The following CAMK1D variants were observed in gnomAD, a reference collection of about 807,000 sequenced individuals.
CAMK1D encodes calcium/calmodulin dependent protein kinase ID.
CAMK1D carries 9 observed loss-of-function variants against 47.7 expected under a neutral mutation model. The observed-to-expected ratio is 0.19, with a 90% CI of 0.11 to 0.33. The LOEUF (loss-of-function observed/expected upper bound fraction) is 0.33. CAMK1D is among the 10% of genes least tolerant of loss of function. CAMK1D has a pLI of 1.00. For synonymous variants in CAMK1D, 184 were observed against 184.9 expected, an observed-to-expected ratio of 0.99 and a Z score of 0.04; for missense variants, 291 against 488.7, an observed-to-expected ratio of 0.60 and a Z score of 3.81.
At chr10:12,721,500 G>A (rs1834374074) in intron 3 of CAMK1D, among the ~76,000 whole-genome samples, 1 of 140,202 alleles carries the variant, frequency 7.1e-6, no homozygotes, top group Non-Finnish European at 1.5e-5. Flanking sequence ...TTCTTTCACT[G>A]GCTACCATCC....
At chr10:12,661,557 T>C (rs966196917) in intron 2 of CAMK1D, among the ~76,000 whole-genome samples, 3 of 152,230 alleles carry the variant, frequency 2.0e-5, no homozygotes, top group Admixed American at 6.5e-5. Flanking sequence ...TCTTAACACA[T>C]AGTTAACAAT....
chr10:12,558,944 C>T (rs1450093219), intron 2 of CAMK1D, among the ~76,000 whole-genome samples: 1 of 152,190 alleles, frequency 6.6e-6, no homozygotes, highest in Non-Finnish European at 1.5e-5. Flanking sequence ...GTCTCTGCCT[C>T]TTTCTCTCCA....
intron 1 of CAMK1D, among the ~76,000 whole-genome samples, chr10:12,533,764 T>C (rs763234916): frequency 6.6e-5 from 10 of 152,160 alleles, no homozygotes; most frequent in Non-Finnish European, 1.5e-4. Flanking sequence ...TGTGGGTTTA[T>C]TATCATCTCA....
intron 2 of CAMK1D, among the ~76,000 whole-genome samples, chr10:12,614,244 C>G (rs1026960956): frequency 6.6e-6 from 1 of 152,192 alleles, no homozygotes; most frequent in African/African-American, 2.4e-5. Context: ...TTAATAAATA[C>G]TTGGAAGCCC....
chr10:12,571,206 G>T (rs1325886574), intron 2 of CAMK1D, among the ~76,000 whole-genome samples: 1 of 152,040 alleles, frequency 6.6e-6, no homozygotes, highest in Non-Finnish European at 1.5e-5. Flanking sequence ...CTGCACTTTG[G>T]GAGGCTTAGG....
chr10:12,666,981 C>T, intron 3 of CAMK1D, 171 bp downstream of exon 3: 1 of 606,544 alleles, frequency 1.6e-6, no homozygotes, highest in Non-Finnish European at 2.9e-6. Context: ...GTGGGCTGCA[C>T]ACAGGCGTCT....
At chr10:12,761,166 G>A in intron 4 of CAMK1D, 80 bp downstream of exon 4, 1 of 1,523,536 alleles carries the variant, frequency 6.6e-7, no homozygotes. Flanking sequence ...ATGCCAGTGG[G>A]GGCATGCAGC....
intron 2 of CAMK1D, among the ~76,000 whole-genome samples, chr10:12,651,000 T>G (rs1294871600): frequency 1.3e-5 from 2 of 152,146 alleles, no homozygotes; most frequent in African/African-American, 4.8e-5. Flanking sequence ...GCTTCACACA[T>G]CCCGACGGGG....
chr10:12,596,867 A>C (rs1335883005), intron 2 of CAMK1D, among the ~76,000 whole-genome samples: 1 of 150,006 alleles, frequency 6.7e-6, no homozygotes, highest in Non-Finnish European at 1.5e-5. Context: ...TCTTTTCTGC[A>C]TTTTTCTTGT....
At chr10:12,411,101 C>T (rs1251164136) in intron 1 of CAMK1D, among the ~76,000 whole-genome samples, 1 of 152,184 alleles carries the variant, frequency 6.6e-6, no homozygotes, top group Admixed American at 6.5e-5. Context: ...ACCCCATCGG[C>T]TCCCATCACA....
chr10:12,409,531 G>A (rs905223183), intron 1 of CAMK1D, among the ~76,000 whole-genome samples: 1 of 152,180 alleles, frequency 6.6e-6, no homozygotes, highest in African/African-American at 2.4e-5. Flanking sequence ...CCATTCTTCC[G>A]CCTTGGCGTC....
chr10:12,402,218 A>G (rs112082297), intron 1 of CAMK1D, among the ~76,000 whole-genome samples: 1,680 of 151,706 alleles, frequency 0.011, 30 homozygotes, highest in African/African-American at 0.038. Flanking sequence ...CTGGGATTAC[A>G]GGCACGAGCC....
intron 3 of CAMK1D, among the ~76,000 whole-genome samples, chr10:12,755,562 C>G (rs1431404748): frequency 6.6e-6 from 1 of 152,076 alleles, no homozygotes; most frequent in African/African-American, 2.4e-5. Flanking sequence ...TTCTAGATCC[C>G]TGAGGAATCG....
intron 2 of CAMK1D, among the ~76,000 whole-genome samples, chr10:12,649,807 G>A (rs1336921100): frequency 6.6e-6 from 1 of 152,140 alleles, no homozygotes; most frequent in African/African-American, 2.4e-5. Context: ...CTGGTCAAAT[G>A]GACTTTCTCC....
intron 3 of CAMK1D, among the ~76,000 whole-genome samples, chr10:12,689,312 A>G (rs2130653943): frequency 6.6e-6 from 1 of 152,322 alleles, no homozygotes; most frequent in South Asian, 2.1e-4. Flanking sequence ...CATTAACTAA[A>G]CAAACTATAC....
At chr10:12,761,872 G>A (rs780984350) in intron 4 of CAMK1D, among the ~76,000 whole-genome samples, 31 of 152,162 alleles carry the variant, frequency 2.0e-4, no homozygotes, top group Non-Finnish European at 3.1e-4. Context: ...GCAACAGAGC[G>A]AAACTCCGTC....
At chr10:12,512,910 C>T (rs925238910) in intron 1 of CAMK1D, among the ~76,000 whole-genome samples, 1 of 152,148 alleles carries the variant, frequency 6.6e-6, no homozygotes, top group African/African-American at 2.4e-5. Context: ...TGGACCGGAG[C>T]GAGCATACTT....
intron 2 of CAMK1D, among the ~76,000 whole-genome samples, chr10:12,590,985 C>T (rs1255643575): frequency 6.6e-6 from 1 of 152,138 alleles, no homozygotes; most frequent in African/African-American, 2.4e-5. Context: ...TTTATGCCTC[C>T]GATTTTCCTT....
rs569142624 is a variant in CAMK1D at position 12,738,982 on chromosome 10, G to A, written c.300-21966G>A. Among the ~76,000 whole-genome samples the A allele has an allele frequency of 1.3e-4, 19 of 151,924 alleles. No individual in the cohort carries two copies. The South Asian group carries it at 2.9e-3, about 23-fold the overall frequency. The stretch of plus-strand genomic sequence containing the variant: ...AGTTTGGCTGGGTGCAGTGATTCAC[G>A]CCTGCAATCCCAGCACTTTGGAAGA... On this transcript the variant is annotated intron_variant, in intron 3 of 10. Coordinates refer to ENST00000619168, the MANE Select transcript of CAMK1D (RefSeq NM_153498.4).
Sources: allele counts gnomAD v4.1 joint callset (sites outside exome capture counted in the v4.1 genomes callset), GRCh38; gene constraint gnomAD v4.1.1; transcripts MANE v1.5; gene names NCBI Gene and HGNC (gene_info 2026-07-23, HGNC 2026-07-21).